Variants in FGF13 observed in about 807,000 individuals in gnomAD.
FGF13 encodes fibroblast growth factor 13, also known as fibroblast growth factor homologous factor 2.
FGF13 carries 2 observed loss-of-function variants against 19.5 expected under a neutral mutation model. The observed-to-expected ratio is 0.10, with a 90% CI of 0.04 to 0.32. The LOEUF is 0.32. Among genes scored for constraint, FGF13 ranks in the 10% least tolerant of loss-of-function variants. The pLI is 1.00. For synonymous variants in FGF13, 72 were observed against 76.9 expected (o/e 0.94, Z 0.33); for missense variants, 113 against 192.7 (o/e 0.59, Z 2.45).
chrX:138,772,156 T>A (rs1420497074), intron 3 of FGF13, among the ~76,000 whole-genome samples: 1 of 104,956 alleles, frequency 9.5e-6, no homozygotes, highest in African/African-American at 3.4e-5. Flanking sequence ...ATATACTGAA[T>A]GTAAAAAATA....
intron 3 of FGF13, among the ~76,000 whole-genome samples, chrX:138,809,675 A>G (rs1260134498): frequency 1.8e-5 from 2 of 111,867 alleles, no homozygotes; most frequent in African/African-American, 6.5e-5. Context: ...TGCAGATGAC[A>G]TGATTGTGTA....
At chrX:138,686,672 G>C (rs1458765060) in intron 3 of FGF13, among the ~76,000 whole-genome samples, 2 of 111,145 alleles carry the variant, frequency 1.8e-5, no homozygotes. Context: ...CTCAATTTTA[G>C]GTTTGATAAA....
At chrX:138,972,841 TTTTTAAATCAAGTTTTA>T (rs2091924352) in intron 1 of FGF13, among the ~76,000 whole-genome samples, 4 of 111,560 alleles carry the variant, frequency 3.6e-5, no homozygotes, top group Non-Finnish European at 1.9e-5. Flanking sequence ...TTTTGTCCAC[TTTTTAAATCAAGTTTTA>T]TTTTTGCTAT....
chrX:138,903,977 G>C (rs965985015), intron 1 of FGF13, among the ~76,000 whole-genome samples: 4 of 111,181 alleles, frequency 3.6e-5, no homozygotes, highest in African/African-American at 1.3e-4. Flanking sequence ...AGTTATGATT[G>C]ACTATGTATA....
At chrX:138,842,050 C>A (rs192092446) in intron 3 of FGF13, among the ~76,000 whole-genome samples, 1 of 112,088 alleles carries the variant, frequency 8.9e-6, no homozygotes, top group South Asian at 3.7e-4. Context: ...AAAATAAAAT[C>A]TTGAGGAATA....
In FGF13 at chrX:138,623,070, T is replaced by C. The variant is rs182010191; in HGVS notation, c.*9780A>G. On this transcript the variant is annotated 3_prime_UTR_variant, in exon 5 of 5. Transcript: ENST00000315930. ...GTTCTTTATTTTTTGGATAGTTCAT[T>C]GTTCGTGTGAAGAAACAACTGATTT... is the stretch of plus-strand genomic sequence containing the variant. 8.9e-6 allele frequency: 1 copy of C among 111,819 alleles called. No homozygotes were observed. The highest frequency in any genetic ancestry group is 1.9e-5 in the Non-Finnish European group (1 of 53,123). The allele number at this position is 111,819 out of a possible 1,213,427, so 9.2% of individuals were successfully genotyped here.
chrX:139,193,257 G>A (rs1157876572), intron 1 of FGF13, among the ~76,000 whole-genome samples: 1 of 111,349 alleles, frequency 9.0e-6, no homozygotes. Flanking sequence ...CCATTATGAA[G>A]TAGCAATTGT....
At chrX:139,144,204 G>A (rs1382230154) in intron 1 of FGF13, among the ~76,000 whole-genome samples, 1 of 111,698 alleles carries the variant, frequency 9.0e-6, no homozygotes, top group African/African-American at 3.3e-5. Context: ...CCATTGAGCA[G>A]GGAAGCCTGA....
At chrX:138,846,517 A>G (rs1468944823) in intron 3 of FGF13, among the ~76,000 whole-genome samples, 2 of 111,917 alleles carry the variant, frequency 1.8e-5, no homozygotes, top group African/African-American at 6.5e-5. Context: ...TGGACAGACT[A>G]TCGTAAAAAG....
chrX:138,857,756 C>G, intron 2 of FGF13: 2 of 857,164 alleles, frequency 2.3e-6, no homozygotes, highest in Non-Finnish European at 3.1e-6. Flanking sequence ...CAAATATACT[C>G]CCAGGGAAGA....
At chrX:138,818,560 G>A (rs763540169) in intron 3 of FGF13, among the ~76,000 whole-genome samples, 1 of 102,241 alleles carries the variant, frequency 9.8e-6, no homozygotes, top group Non-Finnish European at 2.0e-5. Context: ...ATGCTAGAAA[G>A]GACTTTATAT....
intron 3 of FGF13, among the ~76,000 whole-genome samples, chrX:138,654,780 A>C (rs866971297): frequency 5.2e-5 from 5 of 95,788 alleles, no homozygotes; most frequent in South Asian, 4.4e-4. Flanking sequence ...TACATACATA[A>C]ATAGCGGGGT....
intron 2 of FGF13, 90 bp downstream of exon 2, chrX:138,708,728 G>A: frequency 3.3e-6 from 2 of 604,026 alleles, no homozygotes; most frequent in African/African-American, 4.4e-5. Context: ...TTTAATTCAG[G>A]ATTTAGGAAA....
At chrX:138,728,736 T>A (rs1265762624) in intron 1 of FGF13, among the ~76,000 whole-genome samples, 1 of 110,474 alleles carries the variant, frequency 9.1e-6, no homozygotes, top group Non-Finnish European at 1.9e-5. Context: ...TTGAGTACCT[T>A]CAGTACACTG....
chrX:139,017,082 G>GTGTATA (rs1556336259), intron 1 of FGF13, among the ~76,000 whole-genome samples: 4 of 101,124 alleles, frequency 4.0e-5, no homozygotes, highest in East Asian at 3.2e-4. Flanking sequence ...ATACATGTGT[G>GTGTATA]TATATATATA....
At chrX:138,692,730 G>A (rs1220862002) in intron 3 of FGF13, among the ~76,000 whole-genome samples, 1 of 111,241 alleles carries the variant, frequency 9.0e-6, no homozygotes, top group East Asian at 2.8e-4. Flanking sequence ...ATGTGTGTGT[G>A]TGTGTGTAAA....
chrX:138,911,847 A>G (rs2091589729), intron 1 of FGF13, among the ~76,000 whole-genome samples: 1 of 111,774 alleles, frequency 8.9e-6, no homozygotes, highest in Admixed American at 9.5e-5. Context: ...AACACCCAGA[A>G]TAACACCCTG....
chrX:138,937,142 C>T (rs984017115), intron 1 of FGF13, among the ~76,000 whole-genome samples: 1 of 110,479 alleles, frequency 9.1e-6, no homozygotes, highest in Non-Finnish European at 1.9e-5. Context: ...TAGTAGAAAC[C>T]CAGAGAGACT....
intron 3 of FGF13, among the ~76,000 whole-genome samples, chrX:138,674,349 C>G (rs2089643983): frequency 8.9e-6 from 1 of 111,837 alleles, no homozygotes; most frequent in African/African-American, 3.3e-5. Flanking sequence ...TAAGTTTAAG[C>G]AAAACCAATC....
Sources: allele counts gnomAD v4.1 joint callset (sites outside exome capture counted in the v4.1 genomes callset), GRCh38; gene constraint gnomAD v4.1.1; transcripts MANE v1.5; gene names NCBI Gene and HGNC (gene_info 2026-07-23, HGNC 2026-07-21).